Variants in PLPPR5 observed in about 807,000 individuals in gnomAD.
The protein encoded by PLPPR5 is phospholipid phosphatase related 5.
A neutral mutation model predicts 33.9 loss-of-function variants in PLPPR5; 16 were observed. The ratio of observed to expected loss-of-function variants is 0.47; its 90% CI spans 0.32 to 0.72. PLPPR5 has a LOEUF of 0.72. Ranked by LOEUF, PLPPR5 falls within the 30% of genes least tolerant of loss-of-function variation. The pLI, the probability that PLPPR5 is intolerant of heterozygous loss-of-function variation, is 0.03. For missense variants in PLPPR5, 301 were observed against 406.7 expected (o/e 0.74, Z 2.23); for synonymous variants, 163 against 150.3 (o/e 1.08, Z -0.62).
At chr1:98,999,184 T>A (rs2100767396) in intron 1 of PLPPR5, among the ~76,000 whole-genome samples, 1 of 152,328 alleles carries the variant, frequency 6.6e-6, no homozygotes, top group East Asian at 1.9e-4. Context: ...GTTTGCTAGG[T>A]GCTTTAAAGA....
rs60874366 is a variant in PLPPR5, at chr1:98,926,447, AGTGTGTGTGTGTGT to A, written c.622-4403_622-4390del. Reference sequence around the variant, plus strand: ...ATCTAACAGGGCACTAGGTTTGATTAGTGTGTGTGTGTGTGTGTGTGTGTGTGTGTGTGTGTGTG... The same window carrying A: ...ATCTAACAGGGCACTAGGTTTGATTAGTGTGTGTGTGTGTGTGTGTGTGTG... On this transcript the variant is annotated intron_variant, in intron 3 of 5. Coordinates refer to ENST00000263177, the MANE Select transcript of PLPPR5 (RefSeq NM_001037317.2). Among the ~76,000 whole-genome samples, 457 of 132,702 alleles carry A rather than the reference AGTGTGTGTGTGTGT, an allele frequency of 3.4e-3. 1 individual carries two copies. Among genetic ancestry groups the A allele is most frequent in the African/African-American group, 7.7e-3 (273 of 35,242 alleles). 87.1% of individuals were successfully genotyped at this position (132,702 alleles called of 152,430 possible).
chr1:98,988,932 C>A (rs992817742), intron 1 of PLPPR5, among the ~76,000 whole-genome samples: 1 of 152,064 alleles, frequency 6.6e-6, no homozygotes, highest in African/African-American at 2.4e-5. Flanking sequence ...CCACCCAGCA[C>A]GTAACTTTAG....
At position 98,976,547 on chromosome 1, in the gene PLPPR5, GA is replaced by G. The variant is rs1009498943; in HGVS notation, c.238-19807del. Reference sequence around the variant, plus strand: ...ACCACCAAGTTTCTTTAATTAGCCAGAAAAAAAATCTAGATCTGCCCTGTCT... The same window carrying G: ...ACCACCAAGTTTCTTTAATTAGCCAGAAAAAAATCTAGATCTGCCCTGTCT... On this transcript the variant is annotated intron_variant, in intron 1 of 5. Transcript: ENST00000263177. Among the ~76,000 whole-genome samples the G allele has an allele frequency of 4.0e-5, 6 of 151,688 alleles. No individual in the cohort carries two copies. In the South Asian group the frequency reaches 6.2e-4, roughly 16 times the overall value.
Position 98,891,552 on chromosome 1 carries a change from G to A in PLPPR5, c.*1520C>T, listed in dbSNP as rs1648275511. ...CTGGAATTCTACATGCTAAATGTAA[G>A]GTATGTCCCTTGGGCACTCTGCTGA... is the stretch of plus-strand genomic sequence containing the variant. On this transcript the variant is annotated 3_prime_UTR_variant, in exon 6 of 6. Coordinates refer to ENST00000263177, the MANE Select transcript of PLPPR5 (RefSeq NM_001037317.2). 6.6e-6 allele frequency: 1 copy of A among 151,994 alleles called. No homozygotes were observed. The highest frequency in any genetic ancestry group is 6.6e-5 in the Admixed American group (1 of 15,228). The allele number at this position is 151,994 out of a possible 1,614,324, so 9.4% of individuals were successfully genotyped here.
At chr1:98,915,749 C>T (rs1649321377) in intron 4 of PLPPR5, among the ~76,000 whole-genome samples, 1 of 152,052 alleles carries the variant, frequency 6.6e-6, no homozygotes, top group East Asian at 1.9e-4. Context: ...TTCCTAAGCC[C>T]TCCCCTAAAG....
At chr1:98,989,449 A>G (rs1261825633) in intron 1 of PLPPR5, among the ~76,000 whole-genome samples, 3 of 152,182 alleles carry the variant, frequency 2.0e-5, no homozygotes, top group Non-Finnish European at 4.4e-5. Context: ...TGTAACCCAC[A>G]AATGGTGTGT....
intron 1 of PLPPR5, among the ~76,000 whole-genome samples, chr1:98,969,626 T>C (rs765955262): frequency 3.3e-5 from 5 of 152,046 alleles, no homozygotes; most frequent in Middle Eastern, 3.2e-3. Context: ...CCTTAGATTG[T>C]CTCTGACAAC....
intron 5 of PLPPR5, among the ~76,000 whole-genome samples, chr1:98,912,820 T>C (rs569863607): frequency 2.6e-4 from 40 of 152,294 alleles, no homozygotes; most frequent in African/African-American, 7.5e-4. Flanking sequence ...GGAATTTATA[T>C]AAACCATCAG....
intron 3 of PLPPR5, among the ~76,000 whole-genome samples, chr1:98,949,034 A>C (rs1650665597): frequency 6.6e-6 from 1 of 152,196 alleles, no homozygotes; most frequent in Non-Finnish European, 1.5e-5. Flanking sequence ...AATTTATATG[A>C]GGTTAACTGG....
intron 1 of PLPPR5, among the ~76,000 whole-genome samples, chr1:99,001,768 A>G (rs1246345397): frequency 7.5e-5 from 11 of 147,600 alleles, no homozygotes; most frequent in African/African-American, 2.7e-4. Context: ...TATTTAGAAG[A>G]ACGATTCATG....
chr1:98,914,650 G>A (rs1649273952), intron 5 of PLPPR5, 136 bp downstream of exon 5: 1 of 745,090 alleles, frequency 1.3e-6, no homozygotes. Context: ...TCTCTTTAGT[G>A]GCTAAATTCT....
intron 5 of PLPPR5, among the ~76,000 whole-genome samples, chr1:98,913,963 C>T (rs1025806192): frequency 2.6e-5 from 4 of 152,144 alleles, no homozygotes; most frequent in African/African-American, 7.2e-5. Flanking sequence ...CTGCATTCAG[C>T]CCAATGGAGT....
chr1:98,915,145 G>A lies in PLPPR5; in HGVS notation c.799-225C>T, dbSNP rs1280541278. Among the ~76,000 whole-genome samples the A allele has an allele frequency of 3.3e-5, 5 of 151,866 alleles. No individual in the cohort carries two copies. The East Asian group carries it at 5.8e-4, about 18-fold the overall frequency. ...GCAGATATGTTTAAGAAAACTCATC[G>A]GTTAATATGTAGCTCACTTAATTAT... On this transcript the variant is annotated intron_variant, in intron 4 of 5. Coordinates refer to ENST00000263177, the MANE Select transcript of PLPPR5 (RefSeq NM_001037317.2).
At chr1:98,934,514 G>A (rs1300228614) in intron 3 of PLPPR5, among the ~76,000 whole-genome samples, 6 of 152,116 alleles carry the variant, frequency 3.9e-5, no homozygotes, top group African/African-American at 1.2e-4. Context: ...ACTATTTATG[G>A]TGTCTTTCCC....
intron 4 of PLPPR5, among the ~76,000 whole-genome samples, chr1:98,919,554 A>C (rs1649472757): frequency 6.6e-6 from 1 of 152,194 alleles, no homozygotes; most frequent in Admixed American, 6.5e-5. Context: ...GAATCATCAT[A>C]GAAGGCTCCC....
chr1:98,893,244 T>C, intron 5 of PLPPR5, 140 bp from the exon 6 acceptor site: 1 of 650,776 alleles, frequency 1.5e-6, no homozygotes, highest in Non-Finnish European at 2.5e-6. Flanking sequence ...TAAACTAAGT[T>C]TTATGTATTA....
chr1:98,950,920 C>T (rs750432446), intron 3 of PLPPR5, among the ~76,000 whole-genome samples: 2 of 152,012 alleles, frequency 1.3e-5, no homozygotes, highest in Non-Finnish European at 2.9e-5. Context: ...GTTGCCTAGG[C>T]TGGTCTCAAA....
Position 98,892,825 on chromosome 1 carries a change from G to T in PLPPR5, c.*247C>A. On this transcript the variant is annotated 3_prime_UTR_variant, in exon 6 of 6. Transcript: ENST00000263177. ...TTGTTCATTTGGTCATCACATTTTT[G>T]TTGAACACCTACTTTGTGCTAGGCT... The T allele has an allele frequency of 2.7e-6, 1 of 370,316 alleles. No individual in the cohort carries two copies. Among genetic ancestry groups the T allele is most frequent in the Non-Finnish European group, 4.8e-6 (1 of 207,776 alleles). The allele number at this position is 370,316 out of a possible 1,614,324, so 22.9% of individuals were successfully genotyped here.
At chr1:98,945,542 G>A (rs79858274) in intron 3 of PLPPR5, among the ~76,000 whole-genome samples, 2,125 of 152,266 alleles carry the variant, frequency 0.014, 50 homozygotes, top group African/African-American at 0.049. Flanking sequence ...GAGTCACAGT[G>A]GCCTGGGTCA....
Sources: gnomAD v4.1 joint callset for allele counts (sites outside exome capture counted in the v4.1 genomes callset) on GRCh38, gnomAD v4.1.1 for gene constraint, MANE v1.5 for transcripts, NCBI Gene and HGNC (gene_info 2026-07-23, HGNC 2026-07-21) for gene names.